Variants in BTBD9 observed in about 807,000 individuals in gnomAD.
BTBD9 encodes BTB domain containing 9.
Under a neutral mutation model 64.3 loss-of-function variants are expected in BTBD9, and 49 were observed. The ratio of observed to expected loss-of-function variants is 0.76; its 90% CI spans 0.61 to 0.97. BTBD9 has a LOEUF of 0.97. Among genes scored for constraint, BTBD9 ranks in the 50% least tolerant of loss-of-function variants. The pLI is 0.00. For synonymous variants in BTBD9, 260 were observed against 274.7 expected, an observed-to-expected ratio of 0.95 and a Z score of 0.53; for missense variants, 598 against 762.1, an observed-to-expected ratio of 0.78 and a Z score of 2.53.
At chr6:38,330,737 T>C (rs1244942825) in intron 7 of BTBD9, among the ~76,000 whole-genome samples, 2 of 152,212 alleles carry the variant, frequency 1.3e-5, no homozygotes, top group Non-Finnish European at 2.9e-5. Flanking sequence ...ATGCAGAAGC[T>C]AGAGTAGATA....
At chr6:38,261,977 T>C (rs1321889498) in intron 8 of BTBD9, among the ~76,000 whole-genome samples, 3 of 152,224 alleles carry the variant, frequency 2.0e-5, no homozygotes, top group Non-Finnish European at 4.4e-5. Context: ...AACCCCTTTG[T>C]TGATTTGACT....
chr6:38,596,425 T>C lies in BTBD9; in HGVS notation c.185+1485A>G, dbSNP rs1349514466. 2.6e-5 allele frequency among the ~76,000 whole-genome samples: 4 copies of C among 152,170 alleles called. No homozygotes were observed. In the East Asian group the frequency reaches 7.7e-4, roughly 29 times the overall value. The stretch of plus-strand genomic sequence containing the variant: ...CCTAAAAGATATCCTCATAGAGTTG[T>C]TTCAAATTATTTTTGAAAGAGGACA... On this transcript the variant is annotated intron_variant, in intron 2 of 10. Transcript: ENST00000481247.
At chr6:38,337,962 AG>A (rs1266895521) in intron 7 of BTBD9, among the ~76,000 whole-genome samples, 3 of 152,222 alleles carry the variant, frequency 2.0e-5, no homozygotes, top group African/African-American at 7.2e-5. Context: ...AGGTAGCAGC[AG>A]GTGAATATGG....
intron 1 of BTBD9, among the ~76,000 whole-genome samples, chr6:38,610,898 T>C (rs1238286124): frequency 7.2e-6 from 1 of 138,936 alleles, no homozygotes; most frequent in East Asian, 2.5e-4. Flanking sequence ...GCATTGCTTG[T>C]AACTGCAAAA....
chr6:38,422,653 T>G (rs922674491), intron 6 of BTBD9, among the ~76,000 whole-genome samples: 1 of 152,194 alleles, frequency 6.6e-6, no homozygotes. Flanking sequence ...ATATCTTCTA[T>G]GAAAAATAAA....
chr6:38,383,396 T>C (rs1766020419), intron 6 of BTBD9, among the ~76,000 whole-genome samples: 1 of 152,192 alleles, frequency 6.6e-6, no homozygotes, highest in Non-Finnish European at 1.5e-5. Flanking sequence ...CAGAATCCTA[T>C]AACAAATGTC....
intron 9 of BTBD9, among the ~76,000 whole-genome samples, chr6:38,242,531 C>T (rs76337184): frequency 1.3e-5 from 2 of 152,300 alleles, no homozygotes; most frequent in African/African-American, 4.8e-5. Context: ...CTACCAGTTA[C>T]AGTATTGTTT....
At chr6:38,543,283 G>A (rs1400486210) in intron 6 of BTBD9, among the ~76,000 whole-genome samples, 8 of 151,938 alleles carry the variant, frequency 5.3e-5, no homozygotes, top group Non-Finnish European at 1.0e-4. Flanking sequence ...CCCTCACCAC[G>A]TTCACTTTCT....
chr6:38,631,963 T>C (rs1357286728), intron 1 of BTBD9, among the ~76,000 whole-genome samples: 1 of 152,224 alleles, frequency 6.6e-6, no homozygotes, highest in African/African-American at 2.4e-5. Context: ...ACCCCGTCTC[T>C]ACTAAAAATA....
At chr6:38,616,675 G>A (rs570371124) in intron 1 of BTBD9, among the ~76,000 whole-genome samples, 5 of 152,108 alleles carry the variant, frequency 3.3e-5, no homozygotes, top group Non-Finnish European at 7.3e-5. Context: ...TCGCGGGGAG[G>A]ACTGAAAAGA....
chr6:38,192,965 T>C (rs886667380), intron 9 of BTBD9, among the ~76,000 whole-genome samples: 3 of 151,632 alleles, frequency 2.0e-5, no homozygotes, highest in African/African-American at 4.8e-5. Context: ...AGGTGACAAG[T>C]TGATGGGTGC....
intron 9 of BTBD9, among the ~76,000 whole-genome samples, chr6:38,241,695 C>T (rs934778282): frequency 3.9e-5 from 6 of 152,096 alleles, no homozygotes; most frequent in South Asian, 4.1e-4. Flanking sequence ...TATAACACCA[C>T]GGTGAAATTC....
intron 9 of BTBD9, among the ~76,000 whole-genome samples, chr6:38,196,492 T>C (rs1762277580): frequency 6.6e-6 from 1 of 152,200 alleles, no homozygotes; most frequent in South Asian, 2.1e-4. Context: ...GATTCAATGA[T>C]TACCACAGAG....
intron 6 of BTBD9, among the ~76,000 whole-genome samples, chr6:38,404,495 G>A (rs1176652325): frequency 1.3e-5 from 2 of 152,082 alleles, no homozygotes; most frequent in East Asian, 3.9e-4. Flanking sequence ...GCACAGCTAG[G>A]ACAATAGAAG....
intron 8 of BTBD9, among the ~76,000 whole-genome samples, chr6:38,280,823 A>G (rs1761482879): frequency 2.0e-5 from 3 of 152,232 alleles, no homozygotes; most frequent in Admixed American, 2.0e-4. Context: ...ACACTGAGCA[A>G]ATATGATGTC....
At chr6:38,221,006 T>A (rs1763179526) in intron 9 of BTBD9, among the ~76,000 whole-genome samples, 1 of 152,202 alleles carries the variant, frequency 6.6e-6, no homozygotes, top group African/African-American at 2.4e-5. Flanking sequence ...TTCTTTCTAC[T>A]CAACCAGGGT....
intron 6 of BTBD9, among the ~76,000 whole-genome samples, chr6:38,413,761 A>AT (rs993501961): frequency 6.6e-6 from 1 of 151,926 alleles, no homozygotes; most frequent in Non-Finnish European, 1.5e-5. Flanking sequence ...CACAACTACT[A>AT]TTTTTTTTAA....
chr6:38,371,678 A>C (rs1197737251), intron 6 of BTBD9, among the ~76,000 whole-genome samples: 3 of 152,222 alleles, frequency 2.0e-5, no homozygotes, highest in Non-Finnish European at 1.5e-5. Flanking sequence ...TAAATCTCTC[A>C]GCTTCCCAAT....
chr6:38,545,841 CACACACACACACAT>C (rs1441087836), intron 6 of BTBD9, among the ~76,000 whole-genome samples: 41 of 119,716 alleles, frequency 3.4e-4, no homozygotes, highest in African/African-American at 1.1e-3. Flanking sequence ...ATTTAAAACA[CACACACACACACAT>C]ACACACACAC....
Sources: allele counts gnomAD v4.1 joint callset (sites outside exome capture counted in the v4.1 genomes callset), GRCh38; gene constraint gnomAD v4.1.1; transcripts MANE v1.5; gene names NCBI Gene and HGNC (gene_info 2026-07-23, HGNC 2026-07-21).